ZNF716: variants seen among roughly 807,000 people sequenced by gnomAD.
The protein encoded by ZNF716 is zinc finger protein 716.
In ZNF716, 9 loss-of-function variants were observed where a neutral mutation model predicts 13.4. The ratio of observed to expected loss-of-function variants is 0.67; its 90% CI spans 0.41 to 1.18. The LOEUF (loss-of-function observed/expected upper bound fraction) is 1.18. Ranked by LOEUF, ZNF716 falls within the 50% of genes most tolerant of loss-of-function variation. ZNF716 has a pLI of 0.01. For missense variants in ZNF716, 581 were observed against 576.6 expected (o/e 1.01, Z -0.08); for synonymous variants, 186 against 195.2 (o/e 0.95, Z 0.39).
intron 1 of ZNF716, among the ~76,000 whole-genome samples, chr7:57,453,054 G>T (rs1179234680): frequency 2.6e-5 from 4 of 152,170 alleles, no homozygotes; most frequent in Non-Finnish European, 4.4e-5. Context: ...CTCAGCTTTG[G>T]TTTCATGGAG....
Position 57,472,261 on chromosome 7 carries a change from G to A in ZNF716, c.*2312G>A, listed in dbSNP as rs1470940686. The A allele has an allele frequency of 4.6e-5, 7 of 152,146 alleles. No individual in the cohort carries two copies. Among genetic ancestry groups the A allele is most frequent in the Non-Finnish European group, 7.4e-5 (5 of 68,026 alleles). 9.4% of individuals were successfully genotyped at this position (152,146 alleles called of 1,614,324 possible). ...ATTCTAGTGAGGAAAACCTTTGAAC[G>A]TCAGTAGTAAATTATTTTATCAATT... On this transcript the variant is annotated 3_prime_UTR_variant, in exon 4 of 4. Coordinates refer to ENST00000420713, the MANE Select transcript of ZNF716 (RefSeq NM_001159279.1).
chr7:57,468,898 A>C lies in ZNF716; in HGVS notation c.437A>C (p.Asn146Thr). Residue 146 changes from asparagine to threonine, a missense_variant, in exon 4 of 4, where the codon AAC (asparagine) becomes ACC (threonine). Coordinates refer to ENST00000420713, the MANE Select transcript of ZNF716 (RefSeq NM_001159279.1). ...CACAAAGGAGGTTATAATTATGTTA[A>C]CCAATGTTTGTCAGCTACCCAAAAC... ...EVHKGGYNYV[N>T]QCLSATQNKT... 3.7e-6 allele frequency: 6 copies of C among 1,611,410 alleles called. No individual in the cohort carries two copies. Among genetic ancestry groups the C allele is most frequent in the Non-Finnish European group, 5.1e-6 (6 of 1,177,772 alleles).
chr7:57,463,293 C>A lies in ZNF716; in HGVS notation c.262+125C>A, dbSNP rs149885713. Reference sequence around the variant, plus strand: ...GGAAGAGTTTCTGAGAAGCCAGAGTCATTTTTTTCTATTATGCTTACATAG... The same window carrying A: ...GGAAGAGTTTCTGAGAAGCCAGAGTAATTTTTTTCTATTATGCTTACATAG... On this transcript the variant is annotated intron_variant, in intron 3 of 3. Transcript: ENST00000420713. 56 of 1,322,180 alleles carry A rather than the reference C, an allele frequency of 4.2e-5. No homozygotes were observed. In the East Asian group the frequency reaches 1.0e-3, roughly 24 times the overall value. 81.9% of individuals were successfully genotyped at this position (1,322,180 alleles called of 1,614,324 possible). A position where few individuals can be genotyped will look rare whatever the true frequency, so the allele number is the denominator to read the frequency against.
At chr7:57,468,587 A>G (rs188080717) in intron 3 of ZNF716, 137 bp from the exon 4 acceptor site, 2 of 865,010 alleles carry the variant, frequency 2.3e-6, no homozygotes, top group East Asian at 2.9e-5. Flanking sequence ...TTATACATCT[A>G]TGAAGGAATT....
Position 57,455,230 on chromosome 7 carries a change from T to C in ZNF716, c.39+4903T>C, listed in dbSNP as rs369540214. Among the ~76,000 whole-genome samples, 27 of 152,306 alleles carry C rather than the reference T, an allele frequency of 1.8e-4. No individual in the cohort carries two copies. In the East Asian group the frequency reaches 3.5e-3, roughly 20 times the overall value. ...AGAATGTTTTACCCTGAAGTCAGCA[T>C]GTTCTTAAGGAGAGACAGAAAATGG... On this transcript the variant is annotated intron_variant, in intron 1 of 3. Coordinates refer to ENST00000420713, the MANE Select transcript of ZNF716 (RefSeq NM_001159279.1).
intron 1 of ZNF716, among the ~76,000 whole-genome samples, chr7:57,456,887 T>C (rs1789602285): frequency 6.6e-6 from 1 of 150,810 alleles, no homozygotes; most frequent in East Asian, 2.1e-4. Flanking sequence ...CACTGCACAC[T>C]GTCCTGTGAT....
chr7:57,462,146 G>A (rs1356545619), intron 1 of ZNF716, among the ~76,000 whole-genome samples: 1 of 142,988 alleles, frequency 7.0e-6, no homozygotes, highest in Non-Finnish European at 1.5e-5. Flanking sequence ...GGGCAACAGA[G>A]TGAGCCTCGG....
chr7:57,465,567 A>G (rs1322962655), intron 3 of ZNF716, among the ~76,000 whole-genome samples: 2 of 152,054 alleles, frequency 1.3e-5, no homozygotes, highest in African/African-American at 4.8e-5. Context: ...CAAGGCTGGT[A>G]TCAAACTTCT....
intron 1 of ZNF716, 43 bp downstream of exon 1, chr7:57,450,370 G>C: frequency 6.2e-7 from 1 of 1,613,726 alleles, no homozygotes; most frequent in Non-Finnish European, 8.5e-7. Context: ...GTGGGGGCTG[G>C]TTGGAACTGA....
At chr7:57,459,005 A>AT (rs202160644) in intron 1 of ZNF716, among the ~76,000 whole-genome samples, 3,031 of 152,094 alleles carry the variant, frequency 0.02, 73 homozygotes, top group Admixed American at 0.081. Flanking sequence ...TTAGTTTCAA[A>AT]ATTTTTTTAT....
At chr7:57,462,706 G>C in intron 2 of ZNF716, 120 bp downstream of exon 2, 2 of 1,233,816 alleles carry the variant, frequency 1.6e-6, no homozygotes. Context: ...AGAAAATCTT[G>C]GGGATTCATT....
chr7:57,453,390 G>T (rs73345925), intron 1 of ZNF716, among the ~76,000 whole-genome samples: 1,826 of 152,178 alleles, frequency 0.012, 41 homozygotes, highest in African/African-American at 0.042. Context: ...CCACTCTCTG[G>T]GTTTGTCACC....
At position 57,450,415 on chromosome 7, in the gene ZNF716, GC is replaced by G. The variant is rs1789465061; in HGVS notation, c.39+89del. 3.1e-6 allele frequency: 5 copies of G among 1,608,672 alleles called. No individual in the cohort carries two copies. In the Admixed American group the frequency reaches 8.4e-5, roughly 27 times the overall value. On this transcript the variant is annotated intron_variant, in intron 1 of 3. Transcript: ENST00000420713. ...GCTGTAGCAGGACCCAAACTTCCTC[GC>G]AGTCAGCTCCGGAGTCTGAGGACCC... is the stretch of plus-strand genomic sequence containing the variant.
At chr7:57,460,647 C>A (rs1789692113) in intron 1 of ZNF716, among the ~76,000 whole-genome samples, 1 of 152,010 alleles carries the variant, frequency 6.6e-6, no homozygotes, top group Non-Finnish European at 1.5e-5. Context: ...TTATGACCTG[C>A]AATATTTAAA....
intron 1 of ZNF716, among the ~76,000 whole-genome samples, chr7:57,455,614 T>G (rs1358222540): frequency 6.6e-6 from 1 of 151,866 alleles, no homozygotes; most frequent in Non-Finnish European, 1.5e-5. Context: ...CCTCCTGGAT[T>G]CAAGCAATTC....
At chr7:57,453,928 G>A (rs1304607018) in intron 1 of ZNF716, among the ~76,000 whole-genome samples, 1 of 152,150 alleles carries the variant, frequency 6.6e-6, no homozygotes, top group Non-Finnish European at 1.5e-5. Context: ...CGACTCCCGG[G>A]TTCAAGTGAT....
At chr7:57,451,774 T>C (rs1188818955) in intron 1 of ZNF716, among the ~76,000 whole-genome samples, 2 of 150,102 alleles carry the variant, frequency 1.3e-5, no homozygotes, top group African/African-American at 2.4e-5. Context: ...TTCTTTCTTT[T>C]TTTTTTTTTT....
rs1789924989 is a variant in ZNF716 at position 57,471,031 on chromosome 7, A to G, written c.*1082A>G. The G allele has an allele frequency of 6.6e-6, 1 of 152,356 alleles. No individual in the cohort carries two copies. Among genetic ancestry groups the G allele is most frequent in the South Asian group, 2.1e-4 (1 of 4,832 alleles). The allele number at this position is 152,356 out of a possible 1,614,324, so 9.4% of individuals were successfully genotyped here. The stretch of plus-strand genomic sequence containing the variant: ...CATCTTATTGCACAGGAAGCCTTTT[A>G]TACTAGAGAAAAATTGTAAAAATAT... On this transcript the variant is annotated 3_prime_UTR_variant, in exon 4 of 4. Coordinates refer to ENST00000420713, the MANE Select transcript of ZNF716 (RefSeq NM_001159279.1).
At chr7:57,459,915 G>A (rs573977413) in intron 1 of ZNF716, among the ~76,000 whole-genome samples, 1 of 152,196 alleles carries the variant, frequency 6.6e-6, no homozygotes, top group South Asian at 2.1e-4. Context: ...TGCAAGTCTC[G>A]GTCTTTCTGC....
Sources: gnomAD v4.1 joint callset for allele counts (sites outside exome capture counted in the v4.1 genomes callset) on GRCh38, gnomAD v4.1.1 for gene constraint, MANE v1.5 for transcripts, NCBI Gene and HGNC (gene_info 2026-07-23, HGNC 2026-07-21) for gene names.